CNTNAP2: variants seen among roughly 807,000 people sequenced by gnomAD.
CNTNAP2 encodes contactin associated protein 2.
Under a neutral mutation model 155.2 loss-of-function variants are expected in CNTNAP2, and 98 were observed. That is an observed-to-expected ratio of 0.63 (90% confidence interval 0.54 to 0.75). The LOEUF (loss-of-function observed/expected upper bound fraction) is 0.75, where lower values mean the gene tolerates loss of function less well. Ranked by LOEUF, CNTNAP2 falls within the 30% of genes least tolerant of loss-of-function variation. CNTNAP2 has a pLI of 0.00. For missense variants in CNTNAP2, 1,727 were observed against 1,688.1 expected (o/e 1.02, Z -0.40); for synonymous variants, 651 against 631.2 (o/e 1.03, Z -0.47).
At chr7:148,242,607 C>T (rs1027483138) in intron 20 of CNTNAP2, among the ~76,000 whole-genome samples, 6 of 152,214 alleles carry the variant, frequency 3.9e-5, no homozygotes, top group Non-Finnish European at 7.3e-5. Context: ...ACCGCGATGG[C>T]GGTAGGACTT....
chr7:148,390,273 A>C (rs1799317292), intron 22 of CNTNAP2, among the ~76,000 whole-genome samples: 1 of 152,156 alleles, frequency 6.6e-6, no homozygotes. Flanking sequence ...GCCTGTTTGC[A>C]ACTGGAAAGC....
At chr7:146,267,452 G>A (rs2129082756) in intron 1 of CNTNAP2, among the ~76,000 whole-genome samples, 1 of 152,134 alleles carries the variant, frequency 6.6e-6, no homozygotes, top group African/African-American at 2.4e-5. Flanking sequence ...AAAATAAATA[G>A]AAAATACCAT....
chr7:146,815,596 A>G (rs1382539659), intron 2 of CNTNAP2, among the ~76,000 whole-genome samples: 1 of 152,136 alleles, frequency 6.6e-6, no homozygotes, highest in Non-Finnish European at 1.5e-5. Context: ...ATATTTTTTA[A>G]TTGGGTAGAA....
rs532787177 is a variant in CNTNAP2, at chr7:147,679,531, T to C, written c.2098+40225T>C. Among the ~76,000 whole-genome samples the C allele has an allele frequency of 6.3e-3, 951 of 152,016 alleles. 9 individuals carry two copies. Among genetic ancestry groups the C allele is most frequent in the Non-Finnish European group, 9.5e-3 (644 of 67,876 alleles). Reference sequence around the variant, plus strand: ...AATATGGCCACGTTGTAAATGTGTGTTTATTTTCTCACCAATAAAAATAGG... The same window carrying C: ...AATATGGCCACGTTGTAAATGTGTGCTTATTTTCTCACCAATAAAAATAGG... On this transcript the variant is annotated intron_variant, in intron 13 of 23. Coordinates refer to ENST00000361727, the MANE Select transcript of CNTNAP2 (RefSeq NM_014141.6).
chr7:147,507,677 C>G (rs535096133), intron 11 of CNTNAP2, among the ~76,000 whole-genome samples: 1 of 150,778 alleles, frequency 6.6e-6, no homozygotes, highest in Non-Finnish European at 1.5e-5. Context: ...CTCAGCCTCC[C>G]GAGTAGCTGG....
At chr7:146,870,428 T>C (rs895900498) in intron 3 of CNTNAP2, among the ~76,000 whole-genome samples, 5 of 152,148 alleles carry the variant, frequency 3.3e-5, no homozygotes, top group African/African-American at 9.7e-5. Context: ...AGTAGTAACA[T>C]TCCCTTTGTC....
chr7:147,458,172 G>A (rs982337633), intron 10 of CNTNAP2, among the ~76,000 whole-genome samples: 6 of 152,074 alleles, frequency 3.9e-5, no homozygotes, highest in Non-Finnish European at 7.4e-5. Flanking sequence ...TGTGCATCAA[G>A]AATTCTAATG....
chr7:147,820,307 T>C (rs1369374991), intron 13 of CNTNAP2, among the ~76,000 whole-genome samples: 1 of 149,956 alleles, frequency 6.7e-6, no homozygotes, highest in East Asian at 1.9e-4. Context: ...TCTTTTGTTG[T>C]TTAATGTCTG....
intron 20 of CNTNAP2, among the ~76,000 whole-genome samples, chr7:148,265,638 A>G (rs10230373): frequency 0.2 from 30,590 of 152,052 alleles, 4,479 homozygotes; most frequent in African/African-American, 0.41. Flanking sequence ...AAGCATGCAA[A>G]TGTTTACTTT....
chr7:147,370,533 A>C (rs1796324222), intron 9 of CNTNAP2, among the ~76,000 whole-genome samples: 1 of 152,224 alleles, frequency 6.6e-6, no homozygotes, highest in South Asian at 2.1e-4. Context: ...GAGTATCTAC[A>C]ATAGCAGATG....
In CNTNAP2 at chr7:146,377,030, C is replaced by A. The variant is rs148322780; in HGVS notation, c.97+260057C>A. The stretch of plus-strand genomic sequence containing the variant: ...AAATGTGAGAAAATAAATTTCCATT[C>A]TTATATAAAATATACAGCCTCCGGT... On this transcript the variant is annotated intron_variant, in intron 1 of 23. Transcript: ENST00000361727. Among the ~76,000 whole-genome samples the A allele has an allele frequency of 2.9e-4, 44 of 152,240 alleles. 1 individual carries two copies. In the East Asian group the frequency reaches 7.9e-3, roughly 27 times the overall value.
intron 1 of CNTNAP2, among the ~76,000 whole-genome samples, chr7:146,746,006 T>G (rs1217002369): frequency 6.6e-6 from 1 of 152,192 alleles, no homozygotes; most frequent in Non-Finnish European, 1.5e-5. Context: ...TCTCTAGCCT[T>G]TTGGCTGTGA....
At chr7:146,201,233 A>T (rs1226715931) in intron 1 of CNTNAP2, among the ~76,000 whole-genome samples, 1 of 152,196 alleles carries the variant, frequency 6.6e-6, no homozygotes, top group Non-Finnish European at 1.5e-5. Flanking sequence ...TGTAAAAGTG[A>T]ATCACCCTGT....
At chr7:146,354,350 A>G (rs999614165) in intron 1 of CNTNAP2, among the ~76,000 whole-genome samples, 2 of 152,112 alleles carry the variant, frequency 1.3e-5, no homozygotes, top group Non-Finnish European at 2.9e-5. Flanking sequence ...TTCTGTAGAC[A>G]CAGTCTAATT....
intron 13 of CNTNAP2, among the ~76,000 whole-genome samples, chr7:147,854,490 G>A (rs1799002962): frequency 6.6e-6 from 1 of 152,048 alleles, no homozygotes; most frequent in South Asian, 2.1e-4. Context: ...TTGAAAGAGT[G>A]GCTAGGATAC....
chr7:146,337,625 T>TTTTG (rs1465416965), intron 1 of CNTNAP2, among the ~76,000 whole-genome samples: 1 of 131,814 alleles, frequency 7.6e-6, no homozygotes, highest in African/African-American at 4.1e-5. Context: ...ACCTGGCTTT[T>TTTTG]TTGTTTGTTT....
intron 1 of CNTNAP2, among the ~76,000 whole-genome samples, chr7:146,571,549 T>G (rs1798439737): frequency 6.6e-6 from 1 of 152,116 alleles, no homozygotes. Context: ...AGTTATGATT[T>G]TTGTCTAGCT....
At chr7:146,855,104 A>G (rs1794950070) in intron 3 of CNTNAP2, among the ~76,000 whole-genome samples, 1 of 152,178 alleles carries the variant, frequency 6.6e-6, no homozygotes, top group South Asian at 2.1e-4. Flanking sequence ...TAAAATGAAA[A>G]GAGAAATACA....
At chr7:147,352,693 C>T (rs915276412) in intron 9 of CNTNAP2, among the ~76,000 whole-genome samples, 3 of 151,944 alleles carry the variant, frequency 2.0e-5, no homozygotes, top group Admixed American at 6.6e-5. Flanking sequence ...GTAGAATTCT[C>T]ATTGTTAATT....
Sources: allele counts gnomAD v4.1 joint callset (sites outside exome capture counted in the v4.1 genomes callset), GRCh38; gene constraint gnomAD v4.1.1; transcripts MANE v1.5; gene names NCBI Gene and HGNC (gene_info 2026-07-23, HGNC 2026-07-21).